The following GDI2 variants were observed in gnomAD, a reference collection of about 807,000 sequenced individuals.
The protein encoded by GDI2 is GDP dissociation inhibitor 2, also known as rab GDP dissociation inhibitor beta.
Under a neutral mutation model 54.2 loss-of-function variants are expected in GDI2, and 22 were observed. The ratio of observed to expected loss-of-function variants is 0.41; its 90% confidence interval spans 0.29 to 0.58. GDI2 has a LOEUF of 0.58. GDI2 is among the 20% of genes least tolerant of loss of function. GDI2 has a pLI of 0.35. For synonymous variants in GDI2, 177 were observed against 182.1 expected, an observed-to-expected ratio of 0.97 and a Z score of 0.23; for missense variants, 422 against 546.0, an observed-to-expected ratio of 0.77 and a Z score of 2.26.
chr10:5,799,331 T>G (rs1360066499), intron 2 of GDI2, among the ~76,000 whole-genome samples: 2 of 152,220 alleles, frequency 1.3e-5, no homozygotes, highest in African/African-American at 4.8e-5. Flanking sequence ...GGCAAGGCCC[T>G]GTCTCTTAAA....
chr10:5,779,676 A>T (rs575421110), intron 6 of GDI2, among the ~76,000 whole-genome samples: 73 of 142,268 alleles, frequency 5.1e-4, no homozygotes, highest in African/African-American at 1.8e-3. Context: ...AGAGAGGGGG[A>T]AAAAAAAAAG....
At chr10:5,773,727 C>T in intron 7 of GDI2, 115 bp downstream of exon 7, 2 of 652,786 alleles carry the variant, frequency 3.1e-6, no homozygotes, top group South Asian at 3.5e-5. Context: ...ACAATAAATA[C>T]TAACTTCCCA....
chr10:5,813,159 C>CG, intron 1 of GDI2, 55 bp downstream of exon 1: 4 of 1,159,694 alleles, frequency 3.4e-6, no homozygotes, highest in Non-Finnish European at 4.9e-6. Context: ...GTGCAGGAGC[C>CG]GGGGGTGCGC....
intron 1 of GDI2, among the ~76,000 whole-genome samples, chr10:5,808,701 A>T (rs55873293): frequency 2.7e-5 from 3 of 111,796 alleles, no homozygotes; most frequent in Admixed American, 1.2e-4. Flanking sequence ...TGTTATTAAA[A>T]AAAAAAAAAA....
chr10:5,766,514 G>A lies in GDI2; in HGVS notation c.1116C>T (p.Leu372=). 1.2e-6 allele frequency: 2 copies of A among 1,613,672 alleles called. No homozygotes were observed. The highest frequency in any genetic ancestry group is 1.7e-6 in the Non-Finnish European group (2 of 1,180,000). Residue 372 remains leucine (L), a synonymous_variant, in exon 9 of 11, where the codon CTC becomes CTT. Transcript: ENST00000380191. This position sits in a 1 kb window ranked among gnomAD's most constrained non-coding sequence, Gnocchi z 5.8. ...CTCACTTCTGTTCAATTGGTTCCAA[G>A]AGCTCCAAAGCTGGTCTGATTTCCT... The part of the protein sequence containing the change: ...PEKEIRPALE[L]LEPIEQKFVS...
At chr10:5,767,274 AT>A (rs918257916) in intron 8 of GDI2, among the ~76,000 whole-genome samples, 1 of 151,324 alleles carries the variant, frequency 6.6e-6, no homozygotes, top group African/African-American at 2.4e-5. Flanking sequence ...CTTGTGGAAG[AT>A]TAAGTCCAGT....
At chr10:5,789,203 C>G (rs1840951537) in intron 4 of GDI2, among the ~76,000 whole-genome samples, 2 of 151,976 alleles carry the variant, frequency 1.3e-5, no homozygotes, top group African/African-American at 2.4e-5. Context: ...ACTTCCTGGG[C>G]TCAAGCAATC....
At chr10:5,794,188 AATATATATATATAT>A (rs1165735549) in intron 4 of GDI2, among the ~76,000 whole-genome samples, 722 of 40,218 alleles carry the variant, frequency 0.018, 13 homozygotes, top group African/African-American at 0.059. Flanking sequence ...AAAAAAAAAA[AATATATATATATAT>A]ATATATATAT....
At chr10:5,773,417 T>C (rs550773590) in intron 7 of GDI2, among the ~76,000 whole-genome samples, 39 of 152,154 alleles carry the variant, frequency 2.6e-4, no homozygotes, top group Admixed American at 1.2e-3. Flanking sequence ...TTCAAGAAAA[T>C]GCAGAGCCTT....
At chr10:5,780,241 A>C (rs1158080539) in intron 6 of GDI2, among the ~76,000 whole-genome samples, 1 of 149,306 alleles carries the variant, frequency 6.7e-6, no homozygotes, top group Non-Finnish European at 1.5e-5. Context: ...AACAAACAAA[A>C]AAACAGACCA....
chr10:5,804,458 G>A (rs529515352), intron 1 of GDI2, among the ~76,000 whole-genome samples: 11 of 152,172 alleles, frequency 7.2e-5, no homozygotes, highest in Admixed American at 2.0e-4. Flanking sequence ...CCCTCATGCC[G>A]TATTCCAATC....
At chr10:5,775,181 G>A (rs994844394) in intron 6 of GDI2, among the ~76,000 whole-genome samples, 8 of 152,150 alleles carry the variant, frequency 5.3e-5, no homozygotes, top group African/African-American at 1.7e-4. Flanking sequence ...CCAGCTACCC[G>A]GAATGCTGAA....
chr10:5,812,151 T>C (rs899268454), intron 1 of GDI2, among the ~76,000 whole-genome samples: 5 of 150,544 alleles, frequency 3.3e-5, no homozygotes, highest in African/African-American at 1.2e-4. Flanking sequence ...TCCCCAAAAA[T>C]TGATAGTTAA....
chr10:5,780,820 G>A (rs549408295), intron 6 of GDI2, among the ~76,000 whole-genome samples: 1 of 152,262 alleles, frequency 6.6e-6, no homozygotes, highest in African/African-American at 2.4e-5. Context: ...TAATTAAGAT[G>A]ATCATTTTCT....
intron 2 of GDI2, among the ~76,000 whole-genome samples, chr10:5,797,489 G>A (rs770295031): frequency 6.8e-6 from 1 of 147,496 alleles, no homozygotes; most frequent in Non-Finnish European, 1.5e-5. Flanking sequence ...AGGTTGCAGT[G>A]AGCCGAGATA....
At chr10:5,770,574 G>T (rs1434347434) in intron 7 of GDI2, among the ~76,000 whole-genome samples, 1 of 149,248 alleles carries the variant, frequency 6.7e-6, no homozygotes, top group East Asian at 2.0e-4. Context: ...AAAAAAAGAA[G>T]AGGAAAAGTG....
At chr10:5,783,662 T>A (rs1840809723) in intron 6 of GDI2, among the ~76,000 whole-genome samples, 1 of 152,254 alleles carries the variant, frequency 6.6e-6, no homozygotes, top group Non-Finnish European at 1.5e-5. Flanking sequence ...GCAAATTCTC[T>A]CAGCACTTGT....
chr10:5,813,344 G>T lies in GDI2; in HGVS notation c.-86C>A. Reference sequence around the variant, plus strand: ...CCCTACGAGGCTGGGAGGCGCTCTTGGGCGCGAAGGAAAGGGGAAGAGAAA... The same window carrying T: ...CCCTACGAGGCTGGGAGGCGCTCTTTGGCGCGAAGGAAAGGGGAAGAGAAA... On this transcript the variant is annotated 5_prime_UTR_variant, in exon 1 of 11. Coordinates refer to ENST00000380191, the MANE Select transcript of GDI2 (RefSeq NM_001494.4). 1 of 979,822 alleles carries T rather than the reference G, an allele frequency of 1.0e-6. No homozygotes were observed. The highest frequency in any genetic ancestry group is 1.5e-6 in the Non-Finnish European group (1 of 649,682). The allele number at this position is 979,822 out of a possible 1,614,324, so 60.7% of individuals were successfully genotyped here.
chr10:5,798,364 G>C (rs143919782), intron 2 of GDI2, among the ~76,000 whole-genome samples: 4,034 of 152,276 alleles, frequency 0.026, 83 homozygotes, highest in Non-Finnish European at 0.046. Context: ...AAGGCAGGCA[G>C]ATCACCTGAG....
Sources: gnomAD v4.1 joint callset for allele counts (sites outside exome capture counted in the v4.1 genomes callset) on GRCh38, gnomAD v4.1.1 for gene constraint, Gnocchi (gnomAD v3.1) non-coding constraint, MANE v1.5 for transcripts, NCBI Gene and HGNC (gene_info 2026-07-23, HGNC 2026-07-21) for gene names.